The following SHPRH variants were observed in gnomAD, a reference collection of about 807,000 sequenced individuals.
SHPRH encodes SNF2 histone linker PHD RING helicase.
A neutral mutation model predicts 202.5 loss-of-function variants in SHPRH; 106 were observed. The observed-to-expected ratio is 0.52, with a 90% CI of 0.45 to 0.62. The LOEUF (loss-of-function observed/expected upper bound fraction) is 0.62. Among genes scored for constraint, SHPRH ranks in the 20% least tolerant of loss-of-function variants. The pLI is 0.00. For synonymous variants in SHPRH, 729 were observed against 686.0 expected (o/e 1.06, Z -0.98); for missense variants, 1,710 against 2,020.0 (o/e 0.85, Z 2.94).
chr6:145,929,353 T>C (rs1785201152), intron 14 of SHPRH, among the ~76,000 whole-genome samples: 1 of 151,998 alleles, frequency 6.6e-6, no homozygotes, highest in Non-Finnish European at 1.5e-5. Context: ...ATGTGTTTAA[T>C]ACCAGTCAAG....
intron 25 of SHPRH, 85 bp downstream of exon 25, chr6:145,910,363 T>C (rs1346901923): frequency 2.0e-6 from 3 of 1,466,640 alleles, no homozygotes; most frequent in African/African-American, 2.8e-5. Context: ...AAGCTTGTTC[T>C]GATGTTCATG....
At chr6:145,922,928 TA>T in intron 18 of SHPRH, 92 bp from the exon 19 acceptor site, 2 of 1,369,868 alleles carry the variant, frequency 1.5e-6, no homozygotes, top group Non-Finnish European at 1.9e-6. Context: ...AACAAAGTGT[TA>T]AAGAAACTGT....
chr6:145,933,089 A>G lies in SHPRH; in HGVS notation c.3080T>C (p.Leu1027Pro), dbSNP rs1206701940. The G allele has an allele frequency of 6.2e-7, 1 of 1,613,868 alleles. No individual in the cohort carries two copies. Among genetic ancestry groups the G allele is most frequent in the Admixed American group, 1.7e-5 (1 of 60,022 alleles). Residue 1027 changes from leucine to proline, a missense_variant, in exon 14 of 30, where the codon CTC becomes CCC. Physicochemically the swap from Leu to Pro is moderately conservative, Grantham distance 98 (BLOSUM62 -3). This residue lies in a region of SHPRH where 288 missense variants were observed against 317.8 expected (regional missense o/e 0.91). Transcript: ENST00000275233. ...AATATGAATGCCTGCTAAGCCATTG[A>G]GAGCACAAACTAGCTGTCGATGTGC... The part of the protein sequence containing the change: ...EEAHRQLVCA[L>P]NGLAGIHIIK...
chr6:145,935,519 T>C, intron 11 of SHPRH, 78 bp from the exon 12 acceptor site: 2 of 1,386,166 alleles, frequency 1.4e-6, no homozygotes, highest in South Asian at 2.6e-5. Flanking sequence ...TCTACAGACA[T>C]TACACAGCAC....
At chr6:145,924,490 T>C (rs1287846411) in intron 17 of SHPRH, among the ~76,000 whole-genome samples, 3 of 152,000 alleles carry the variant, frequency 2.0e-5, no homozygotes, top group East Asian at 1.9e-4. Flanking sequence ...TATATACTCA[T>C]GGTAAGAGAA....
chr6:145,943,907 T>C (rs1787079970), intron 8 of SHPRH, 105 bp from the exon 9 acceptor site: 2 of 1,080,034 alleles, frequency 1.9e-6, no homozygotes, highest in Admixed American at 5.8e-5. Flanking sequence ...CAGCCAGTCT[T>C]TGCTACCCTT....
At chr6:145,873,102 C>G (rs1293500730) in intron 2 of SHPRH, among the ~76,000 whole-genome samples, 1 of 152,038 alleles carries the variant, frequency 6.6e-6, no homozygotes, top group Non-Finnish European at 1.5e-5. Flanking sequence ...ATAGGATGAT[C>G]TGTGTAGCAA....
intron 14 of SHPRH, among the ~76,000 whole-genome samples, chr6:145,931,657 T>C (rs1367560854): frequency 2.0e-5 from 3 of 152,138 alleles, no homozygotes; most frequent in Non-Finnish European, 1.5e-5. Context: ...TTTTTCTTTT[T>C]ATCTATTCTT....
Position 145,926,281 on chromosome 6 carries a change from G to A in SHPRH, c.3217C>T (p.His1073Tyr). The change falls in exon 16 of 30, where the codon CAT (histidine) becomes TAT (tyrosine). Residue 1073 changes from histidine to tyrosine, a missense_variant. His to Tyr is a moderately conservative substitution (Grantham distance 83). Coordinates refer to ENST00000275233, the MANE Select transcript of SHPRH (RefSeq NM_001042683.3). ...TDSLQRLHAT[H>Y]NLMELLIARH... is the part of the protein sequence containing the mutation. ...GCTATCAACAATTCCATCAAGTTAT[G>A]GGTAGCATGAAGTCTCTACAAACAT... 1 of 1,612,666 alleles carries A rather than the reference G, an allele frequency of 6.2e-7. No homozygotes were observed. The highest frequency in any genetic ancestry group is 1.7e-4 in the Middle Eastern group (1 of 6,052).
chr6:145,922,876 G>C, intron 18 of SHPRH, 40 bp from the exon 19 acceptor site: 1 of 1,480,512 alleles, frequency 6.8e-7, no homozygotes, highest in South Asian at 1.4e-5. Context: ...ACAAAGAAAA[G>C]AATAATAGGT....
At chr6:145,861,120 TAAAC>T (rs1779565580), downstream of SHPRH, among the ~76,000 whole-genome samples, 1 of 151,858 alleles carries the variant, frequency 6.6e-6, no homozygotes, top group Non-Finnish European at 1.5e-5. Context: ...AAACAAAAAA[TAAAC>T]AAGTAGGATT....
At chr6:145,864,941 A>T (rs1263101940) in intron 2 of SHPRH, among the ~76,000 whole-genome samples, 1 of 95,780 alleles carries the variant, frequency 1.0e-5, no homozygotes, top group African/African-American at 3.3e-5. Context: ...AAACACACAC[A>T]CTCACACACA....
At chr6:145,907,471 TATA>T (rs1379930380) in intron 25 of SHPRH, 2 of 152,170 alleles carry the variant, frequency 1.3e-5, no homozygotes, top group African/African-American at 4.8e-5. Context: ...CATCCCTGCT[TATA>T]ATATTTAATG....
chr6:145,922,455 G>T, intron 19 of SHPRH, 107 bp from the exon 20 acceptor site: 1 of 1,303,470 alleles, frequency 7.7e-7, no homozygotes, highest in African/African-American at 1.6e-5. Context: ...CACTAGATAT[G>T]CCATTTTAGA....
chr6:145,901,730 T>C (rs937227130), intron 25 of SHPRH, among the ~76,000 whole-genome samples: 4 of 151,004 alleles, frequency 2.6e-5, no homozygotes, highest in South Asian at 2.1e-4. Context: ...GTTGATAAAG[T>C]TGTACTTAAC....
At chr6:145,882,754 G>C (rs1264893903), downstream of SHPRH, among the ~76,000 whole-genome samples, 1 of 152,144 alleles carries the variant, frequency 6.6e-6, no homozygotes, top group Non-Finnish European at 1.5e-5. Context: ...TAAAGAATTA[G>C]GGACATGATG....
chr6:145,926,683 C>A (rs1424053253), intron 15 of SHPRH, among the ~76,000 whole-genome samples: 1 of 151,822 alleles, frequency 6.6e-6, no homozygotes, highest in Non-Finnish European at 1.5e-5. Flanking sequence ...AATTAATAAA[C>A]CCATTTCTAC....
intron 23 of SHPRH, among the ~76,000 whole-genome samples, chr6:145,915,997 C>T (rs1481993618): frequency 6.6e-6 from 1 of 152,066 alleles, no homozygotes; most frequent in Non-Finnish European, 1.5e-5. Flanking sequence ...TATGCTAGAT[C>T]AAACAACTGT....
At chr6:145,946,439 C>T (rs1787381698) in intron 6 of SHPRH, 98 bp from the exon 7 acceptor site, 2 of 979,800 alleles carry the variant, frequency 2.0e-6, no homozygotes, top group Admixed American at 3.2e-5. Context: ...AAATGCAAAA[C>T]AGTTCTAAAA....
Sources: allele counts gnomAD v4.1 joint callset (sites outside exome capture counted in the v4.1 genomes callset), GRCh38; gene constraint gnomAD v4.1.1; regional missense constraint gnomAD v4.1.1; transcripts MANE v1.5; gene names NCBI Gene and HGNC (gene_info 2026-07-23, HGNC 2026-07-21).